The following DDTL variants were observed in gnomAD, a reference collection of about 807,000 sequenced individuals.
The protein encoded by DDTL is putative D-dopachrome decarboxylase-like protein.
DDTL carries 1 observed loss-of-function variant against 1.1 expected under a neutral mutation model. The ratio of observed to expected loss-of-function variants is 0.91; its 90% CI spans 0.32 to 4.31. The LOEUF (loss-of-function observed/expected upper bound fraction) is 4.31, where lower values mean the gene tolerates loss of function less well. Ranked by LOEUF, DDTL falls within the 30% of genes most tolerant of loss-of-function variation. The pLI is 0.17. For missense variants in DDTL, 54 were observed against 48.9 expected, an observed-to-expected ratio of 1.10 and a Z score of -0.31; for synonymous variants, 21 against 16.6, an observed-to-expected ratio of 1.26 and a Z score of -0.64.
chr22:23,970,250 G>GC (rs1228789953), intron 2 of DDTL, among the ~76,000 whole-genome samples: 2 of 141,906 alleles, frequency 1.4e-5, no homozygotes, highest in Non-Finnish European at 2.9e-5. Context: ...GTGTATGTGT[G>GC]CGAATGTCAG....
chr22:23,970,456 GTA>G (rs370941515), intron 2 of DDTL, among the ~76,000 whole-genome samples: 105 of 152,100 alleles, frequency 6.9e-4, no homozygotes, highest in East Asian at 3.5e-3. Context: ...GTGACGGGGA[GTA>G]TGTGTGTGTG....
At position 23,971,386 on chromosome 22, in the gene DDTL, C is replaced by G. The variant is rs1385875890; in HGVS notation, c.385C>G (p.Leu129Val). The change falls in exon 3 of 3, where the codon CTC (leucine) becomes GTC (valine). Residue 129 changes from leucine (L) to valine (V), a missense_variant. Coordinates refer to ENST00000215770, the MANE Select transcript of DDTL (RefSeq NM_001084393.2). Reference protein sequence around the residue: ...GKKSCLNEEALFIYFI With the variant: ...GKKSCLNEEAVFIYFI The stretch of plus-strand genomic sequence containing the variant: ...GAAGTCATGTTTGAATGAGGAAGCT[C>G]TCTTCATTTATTTCATATGAGGATG... 6.2e-7 allele frequency: 1 copy of G among 1,613,754 alleles called. No individual in the cohort carries two copies. The highest frequency in any genetic ancestry group is 8.5e-7 in the Non-Finnish European group (1 of 1,179,916).
At chr22:23,970,265 C>CTG (rs891675369) in intron 2 of DDTL, among the ~76,000 whole-genome samples, 10 of 151,974 alleles carry the variant, frequency 6.6e-5, no homozygotes, top group Non-Finnish European at 8.8e-5. Context: ...TGTCAGTGAA[C>CTG]TGTGTGTGAG....
intron 2 of DDTL, chr22:23,969,077 C>T (rs1344765220): frequency 2.0e-6 from 1 of 503,128 alleles, no homozygotes; most frequent in East Asian, 2.5e-4. Flanking sequence ...ACTTTACACT[C>T]ATGATCCCAT....
Position 23,971,451 on chromosome 22 carries a change from G to A in DDTL, c.*45G>A. 6.2e-7 allele frequency: 1 copy of A among 1,608,262 alleles called. No individual in the cohort carries two copies. On this transcript the variant is annotated 3_prime_UTR_variant, in exon 3 of 3. Coordinates refer to ENST00000215770, the MANE Select transcript of DDTL (RefSeq NM_001084393.2). ...GTGATCACAGGAATGTTGCATGCGGGATAATCCAAAGCTGGTTATCTCCAG... is the reference window on the plus strand; with the variant it reads ...GTGATCACAGGAATGTTGCATGCGGAATAATCCAAAGCTGGTTATCTCCAG...
chr22:23,970,304 A>G (rs145330017), intron 2 of DDTL, among the ~76,000 whole-genome samples: 246 of 152,134 alleles, frequency 1.6e-3, no homozygotes, highest in Admixed American at 4.5e-3. Context: ...GTGGGTGTAT[A>G]TGTGTGTGAT....
chr22:23,971,449 G>A lies in DDTL; in HGVS notation c.*43G>A, dbSNP rs374341723. Reference sequence around the variant, plus strand: ...ATGTGATCACAGGAATGTTGCATGCGGGATAATCCAAAGCTGGTTATCTCC... The same window carrying A: ...ATGTGATCACAGGAATGTTGCATGCAGGATAATCCAAAGCTGGTTATCTCC... On this transcript the variant is annotated 3_prime_UTR_variant, in exon 3 of 3. Coordinates refer to ENST00000215770, the MANE Select transcript of DDTL (RefSeq NM_001084393.2). The A allele has an allele frequency of 3.6e-4, 573 of 1,607,718 alleles. 1 individual carries two copies. Among genetic ancestry groups the A allele is most frequent in the Non-Finnish European group, 4.3e-4 (501 of 1,175,972 alleles).
chr22:23,971,496 A>C lies in DDTL; in HGVS notation c.*90A>C. 1 of 1,609,868 alleles carries C rather than the reference A, an allele frequency of 6.2e-7. No individual in the cohort carries two copies. The highest frequency in any genetic ancestry group is 1.7e-5 in the Admixed American group (1 of 59,674). On this transcript the variant is annotated 3_prime_UTR_variant, in exon 3 of 3. Coordinates refer to ENST00000215770, the MANE Select transcript of DDTL (RefSeq NM_001084393.2). ...CTCCAGGCCCTCACTCTGCCAAGAG[A>C]TCTCTCTGGAAGAAGCAGCCAGTTC...
rs1423900606 is a variant in DDTL at position 23,969,369 on chromosome 22, G to A, written c.284+1808G>A. ...AGGTGTCTGAGGTACTGTGTCCTTA[G>A]GGAGTCTGCAATTAGGAGGAGGCAG... On this transcript the variant is annotated intron_variant, in intron 2 of 2. Transcript: ENST00000215770. The A allele has an allele frequency of 4.1e-6, 4 of 985,148 alleles. No homozygotes were observed. In the East Asian group the frequency reaches 3.4e-4, roughly 83 times the overall value. 61.0% of individuals were successfully genotyped at this position (985,148 alleles called of 1,614,324 possible).
chr22:23,970,236 G>A (rs1288179383), intron 2 of DDTL, among the ~76,000 whole-genome samples: 3 of 151,294 alleles, frequency 2.0e-5, no homozygotes, highest in Non-Finnish European at 4.4e-5. Flanking sequence ...CCTGTGTGGT[G>A]CGTGTGTATG....
At chr22:23,971,171 A>T in intron 2 of DDTL, 115 bp from the exon 3 acceptor site, 1 of 1,476,892 alleles carries the variant, frequency 6.8e-7, no homozygotes, top group East Asian at 2.3e-5. Flanking sequence ...GGAAGGCCCC[A>T]GCTGGACCAG....
Position 23,971,518 on chromosome 22 carries a change from G to C in DDTL, c.*112G>C. ...GAGATCTCTCTGGAAGAAGCAGCCA[G>C]TTCACAGATGCCCTGGATCCCTCCG... is the stretch of plus-strand genomic sequence containing the variant. On this transcript the variant is annotated 3_prime_UTR_variant, in exon 3 of 3. Coordinates refer to ENST00000215770, the MANE Select transcript of DDTL (RefSeq NM_001084393.2). The C allele has an allele frequency of 6.2e-7, 1 of 1,612,566 alleles. No individual in the cohort carries two copies. The highest frequency in any genetic ancestry group is 8.5e-7 in the Non-Finnish European group (1 of 1,179,046).
intron 2 of DDTL, chr22:23,969,308 T>TG (rs892684450): frequency 1.0e-5 from 10 of 984,434 alleles, no homozygotes; most frequent in Admixed American, 6.2e-5. Flanking sequence ...ACATTAGTGG[T>TG]GGGGGGGCCA....
Position 23,971,675 on chromosome 22 carries a change from C to T in DDTL, c.*269C>T. 2 of 1,539,570 alleles carry T rather than the reference C, an allele frequency of 1.3e-6. No homozygotes were observed. Among genetic ancestry groups the T allele is most frequent in the Non-Finnish European group, 1.8e-6 (2 of 1,120,632 alleles). ...ATCAGCTCCTTGGCTAATACCACATCTTGCAAGACCCCTGCCAGGTACTCC... is the reference window on the plus strand; with the variant it reads ...ATCAGCTCCTTGGCTAATACCACATTTTGCAAGACCCCTGCCAGGTACTCC... On this transcript the variant is annotated 3_prime_UTR_variant, in exon 3 of 3. Transcript: ENST00000215770.
chr22:23,970,785 C>T (rs1397109731), intron 2 of DDTL, among the ~76,000 whole-genome samples: 1 of 152,126 alleles, frequency 6.6e-6, no homozygotes, highest in African/African-American at 2.4e-5. Flanking sequence ...GGAAGCCTTA[C>T]CTGCCATTCA....
intron 2 of DDTL, 85 bp from the exon 3 acceptor site, chr22:23,971,201 G>A (rs2033893678): frequency 6.6e-7 from 1 of 1,521,200 alleles, no homozygotes; most frequent in Non-Finnish European, 8.8e-7. Flanking sequence ...CCTTCCCACA[G>A]GCCTGCAGAT....
chr22:23,970,472 G>A (rs1035519379), intron 2 of DDTL, among the ~76,000 whole-genome samples: 1 of 152,034 alleles, frequency 6.6e-6, no homozygotes. Flanking sequence ...GTGTGTGTGA[G>A]TGAACTGTGT....
In DDTL at chr22:23,972,440, C is replaced by T. The variant is rs1415775634; in HGVS notation, c.*1034C>T. The T allele has an allele frequency of 6.9e-6, 1 of 144,408 alleles. No individual in the cohort carries two copies. The highest frequency in any genetic ancestry group is 2.6e-5 in the African/African-American group (1 of 38,778). 8.9% of individuals were successfully genotyped at this position (144,408 alleles called of 1,614,324 possible). Reference sequence around the variant, plus strand: ...TGCATGTAACCTACACACATCCTCTCATATACTTTAAATAATCTCTGGGTT... The same window carrying T: ...TGCATGTAACCTACACACATCCTCTTATATACTTTAAATAATCTCTGGGTT... On this transcript the variant is annotated 3_prime_UTR_variant, in exon 3 of 3. Transcript: ENST00000215770.
chr22:23,970,730 G>C (rs986029021), intron 2 of DDTL, among the ~76,000 whole-genome samples: 1 of 152,166 alleles, frequency 6.6e-6, no homozygotes, highest in Admixed American at 6.5e-5. Context: ...GTCCATGAGT[G>C]TGTAAGTGTG....
Sources: gnomAD v4.1 joint callset for allele counts (sites outside exome capture counted in the v4.1 genomes callset) on GRCh38, gnomAD v4.1.1 for gene constraint, MANE v1.5 for transcripts, NCBI Gene and HGNC (gene_info 2026-07-23, HGNC 2026-07-21) for gene names.